The following ZNF599 variants were observed in gnomAD, a reference collection of about 807,000 sequenced individuals.
ZNF599 encodes zinc finger protein 599.
A neutral mutation model predicts 11.7 loss-of-function variants in ZNF599; 10 were observed. That is an observed-to-expected ratio of 0.86 (90% CI 0.53 to 1.45). The LOEUF is 1.45. ZNF599 is among the 40% of genes most tolerant of loss of function. ZNF599 has a pLI of 0.00. For missense variants in ZNF599, 688 were observed against 713.6 expected, an observed-to-expected ratio of 0.96 and a Z score of 0.41; for synonymous variants, 232 against 253.2, an observed-to-expected ratio of 0.92 and a Z score of 0.79.
intron 1 of ZNF599, chr19:34,772,320 G>A: frequency 1.0e-6 from 1 of 990,018 alleles, no homozygotes. Context: ...TGCCAAAAAT[G>A]CTGCTCCCGC....
chr19:34,803,201 G>A, the ZNF599 span, among the ~76,000 whole-genome samples: 1 of 152,142 alleles, frequency 6.6e-6, no homozygotes, highest in Non-Finnish European at 1.5e-5. Flanking sequence ...GGATAGGACA[G>A]TGCAATGGCT....
At chr19:34,800,057 T>C in the ZNF599 span, among the ~76,000 whole-genome samples, 35 of 152,260 alleles carry the variant, frequency 2.3e-4, no homozygotes, top group Non-Finnish European at 4.6e-4. Flanking sequence ...TTTACATATT[T>C]ATTTGCCCTG....
chr19:34,788,638 A>T, the ZNF599 span: 1 of 152,338 alleles, frequency 6.6e-6, no homozygotes, highest in African/African-American at 2.4e-5. Context: ...AAGATCTGTG[A>T]TGAGAGAAGA....
chr19:34,769,942 TAA>T (rs1271533715), intron 1 of ZNF599, among the ~76,000 whole-genome samples: 1 of 152,198 alleles, frequency 6.6e-6, no homozygotes, highest in African/African-American at 2.4e-5. Context: ...TTCAAGCAAC[TAA>T]AAGTCTCCAG....
chr19:34,759,532 A>G lies in ZNF599; in HGVS notation c.1269T>C (p.Phe423=). 6.2e-7 allele frequency: 1 copy of G among 1,613,992 alleles called. No individual in the cohort carries two copies. The highest frequency in any genetic ancestry group is 8.5e-7 in the Non-Finnish European group (1 of 1,179,982). ...HKRTHTGEKP[F]ECKECGKAFC... The stretch of plus-strand genomic sequence containing the variant: ...AGGCCTTCCCACATTCTTTGCACTC[A>G]AAGGGCTTCTCTCCGGTATGGGTCC... Residue 423 remains phenylalanine (F), a synonymous_variant, in exon 4 of 4, where the codon TTT becomes TTC. Transcript: ENST00000329285.
chr19:34,770,040 T>C (rs1042079282), intron 1 of ZNF599, among the ~76,000 whole-genome samples: 4 of 152,214 alleles, frequency 2.6e-5, no homozygotes, highest in Non-Finnish European at 5.9e-5. Flanking sequence ...TCTTAATTTC[T>C]TGGAGCTCCA....
chr19:34,759,468 G>A lies in ZNF599; in HGVS notation c.1333C>T (p.His445Tyr). The A allele has an allele frequency of 1.2e-6, 2 of 1,614,116 alleles. No homozygotes were observed. Among genetic ancestry groups the A allele is most frequent in the African/African-American group, 1.3e-5 (1 of 75,040 alleles). ...SSSLIQHMRIHTGEKPYECSE... is the reference protein window; with the variant it reads ...SSSLIQHMRIYTGEKPYECSE... ...CACTCATAAGGCTTCTCACCAGTGT[G>A]AATCCTCATATGTTGAATTAAGGAA... Residue 445 changes from histidine to tyrosine, a missense_variant, in exon 4 of 4, where the codon CAC (histidine) becomes TAC (tyrosine). His to Tyr is a moderately conservative substitution (Grantham distance 83). Coordinates refer to ENST00000329285, the MANE Select transcript of ZNF599 (RefSeq NM_001007248.3).
At chr19:34,775,774 T>C (rs1344773232), upstream of ZNF599, among the ~76,000 whole-genome samples, 1 of 152,208 alleles carries the variant, frequency 6.6e-6, no homozygotes, top group Non-Finnish European at 1.5e-5. Context: ...AATCTAAGCT[T>C]TATTTATGAG....
At position 34,772,269 on chromosome 19, in the gene ZNF599, T is replaced by C. The variant is rs1347502372; in HGVS notation, c.18+555A>G. On this transcript the variant is annotated intron_variant, in intron 1 of 3. Transcript: ENST00000329285. ...TCATTTGTAATAAACAGACGGCATCTGCAAAGATAAATCCAATGAGCTTCT... is the reference window on the plus strand; with the variant it reads ...TCATTTGTAATAAACAGACGGCATCCGCAAAGATAAATCCAATGAGCTTCT... The C allele has an allele frequency of 8.3e-6, 8 of 965,180 alleles. No homozygotes were observed. The African/African-American group carries it at 1.2e-4, about 15-fold the overall frequency. The allele number at this position is 965,180 out of a possible 1,614,324, so 59.8% of individuals were successfully genotyped here.
rs139957039 is a variant in ZNF599, at chr19:34,769,947, G to A, written c.19-392C>T. ...ACATGCTGTGTTCAAGCAACTAAAAGTCTCCAGGTCTGGAATCAGGCTCCT... is the reference window on the plus strand; with the variant it reads ...ACATGCTGTGTTCAAGCAACTAAAAATCTCCAGGTCTGGAATCAGGCTCCT... On this transcript the variant is annotated intron_variant, in intron 1 of 3. Coordinates refer to ENST00000329285, the MANE Select transcript of ZNF599 (RefSeq NM_001007248.3). 6.7e-3 allele frequency among the ~76,000 whole-genome samples: 1,019 copies of A among 152,318 alleles called. 10 individuals carry two copies. The highest frequency in any genetic ancestry group is 0.023 in the African/African-American group (969 of 41,560).
chr19:34,799,116 C>T, the ZNF599 span, among the ~76,000 whole-genome samples: 1 of 152,132 alleles, frequency 6.6e-6, no homozygotes. Flanking sequence ...GATCCTCTGA[C>T]CTCAACCTCC....
At position 34,759,761 on chromosome 19, in the gene ZNF599, G is replaced by A. The variant is rs932168269; in HGVS notation, c.1040C>T (p.Ala347Val). The A allele has an allele frequency of 1.9e-6, 3 of 1,614,142 alleles. No homozygotes were observed. The highest frequency in any genetic ancestry group is 2.5e-6 in the Non-Finnish European group (3 of 1,180,002). ...GATAAATGTGGAGCGGTGCGTGAAG[G>A]CCTTTCCACATTCACCGCACTCATA... Reference protein sequence around the residue: ...KLYECGECGKAFTHRSTFIQH... With the variant: ...KLYECGECGKVFTHRSTFIQH... The change falls in exon 4 of 4, where the codon GCC (alanine) becomes GTC (valine). Residue 347 changes from alanine (A) to valine (V), a missense_variant. Physicochemically the swap from Ala to Val is moderately conservative, Grantham distance 64 (BLOSUM62 0). Transcript: ENST00000329285.
chr19:34,804,397 T>TGAAG, the ZNF599 span, among the ~76,000 whole-genome samples: 4 of 152,248 alleles, frequency 2.6e-5, no homozygotes, highest in Non-Finnish European at 2.9e-5. Context: ...CAGCTGTGCC[T>TGAAG]GTGATGCCCA....
chr19:34,791,171 T>C, the ZNF599 span, among the ~76,000 whole-genome samples: 1 of 152,196 alleles, frequency 6.6e-6, no homozygotes, highest in Non-Finnish European at 1.5e-5. Context: ...TCTCTCCTCT[T>C]TGGGTACACA....
At chr19:34,769,785 C>T (rs2069170335) in intron 1 of ZNF599, among the ~76,000 whole-genome samples, 1 of 152,150 alleles carries the variant, frequency 6.6e-6, no homozygotes, top group Non-Finnish European at 1.5e-5. Context: ...AATGATAATC[C>T]CATCTGACTG....
chr19:34,798,871 C>T, the ZNF599 span, among the ~76,000 whole-genome samples: 2 of 152,326 alleles, frequency 1.3e-5, no homozygotes, highest in African/African-American at 2.4e-5. Context: ...ATCATTGTAG[C>T]CTCATGGCCA....
At chr19:34,787,514 C>T in the ZNF599 span, among the ~76,000 whole-genome samples, 5 of 152,158 alleles carry the variant, frequency 3.3e-5, no homozygotes, top group Non-Finnish European at 5.9e-5. Flanking sequence ...TTCTTATAGG[C>T]CACAGGATTC....
the ZNF599 span, chr19:34,779,875 G>GT: frequency 5.9e-6 from 1 of 169,598 alleles, no homozygotes; most frequent in Non-Finnish European, 1.3e-5. Flanking sequence ...GACTGCATTG[G>GT]TAATGCCTTT....
upstream of ZNF599, among the ~76,000 whole-genome samples, chr19:34,775,297 A>G (rs2069212871): frequency 6.6e-6 from 1 of 152,262 alleles, no homozygotes; most frequent in African/African-American, 2.4e-5. Context: ...ATATATCCTT[A>G]TAACAGATTA....
Sources: allele counts gnomAD v4.1 joint callset (sites outside exome capture counted in the v4.1 genomes callset), GRCh38; gene constraint gnomAD v4.1.1; transcripts MANE v1.5; gene names NCBI Gene and HGNC (gene_info 2026-07-23, HGNC 2026-07-21).